Variants in LOX observed in about 807,000 individuals in gnomAD.
LOX encodes the protein lysyl oxidase, also known as protein-lysine 6-oxidase.
A neutral mutation model predicts 50.5 loss-of-function variants in LOX; 12 were observed. The ratio of observed to expected loss-of-function variants is 0.24; its 90% confidence interval spans 0.15 to 0.38. The LOEUF (loss-of-function observed/expected upper bound fraction) is 0.38, where lower values mean the gene tolerates loss of function less well. LOX is among the 10% of genes least tolerant of loss of function. The pLI, the probability that LOX is intolerant of heterozygous loss-of-function variation, is 1.00. For missense variants in LOX, 504 were observed against 563.8 expected (o/e 0.89, Z 1.07); for synonymous variants, 254 against 230.6 (o/e 1.10, Z -0.92).
In LOX at chr5:122,077,567, G is replaced by A; in HGVS notation, c.419C>T (p.Ser140Leu). The A allele has an allele frequency of 6.2e-7, 1 of 1,613,016 alleles. No individual in the cohort carries two copies. Among genetic ancestry groups the A allele is most frequent in the Non-Finnish European group, 8.5e-7 (1 of 1,179,848 alleles). The change falls in exon 1 of 7, where the codon TCG becomes TTG. Residue 140 changes from serine (S) to leucine (L), a missense_variant. By Grantham distance (145) the Ser-to-Leu change is moderately radical. Coordinates refer to ENST00000231004, the MANE Select transcript of LOX (RefSeq NM_002317.7). The surrounding 1 kb of genome is among the most constrained non-coding windows in gnomAD (Gnocchi z 4.9). ...STSRAREAGA[S>L]RAENQTAPGE... ...CGGCGCTGTCTGGTTCTCCGCGCGCGAGGCGCCAGCTTCGCGGGCTCTAGA... is the reference window on the plus strand; with the variant it reads ...CGGCGCTGTCTGGTTCTCCGCGCGCAAGGCGCCAGCTTCGCGGGCTCTAGA...
intron 4 of LOX, among the ~76,000 whole-genome samples, chr5:122,073,050 T>C (rs762778272): frequency 1.3e-5 from 2 of 152,172 alleles, no homozygotes; most frequent in African/African-American, 4.8e-5. Context: ...GCTATGATGT[T>C]CTAAGCTCAG....
Position 122,076,882 on chromosome 5 carries a change from T to C in LOX, c.740+11A>G, listed in dbSNP as rs373807513. 6.2e-6 allele frequency: 10 copies of C among 1,612,992 alleles called. No individual in the cohort carries two copies. The highest frequency in any genetic ancestry group is 4.0e-5 in the African/African-American group (3 of 74,836). On this transcript the variant is annotated intron_variant, in intron 2 of 6. Coordinates refer to ENST00000231004, the MANE Select transcript of LOX (RefSeq NM_002317.7). Reference sequence around the variant, plus strand: ...ACCGGGGAGCGGGGCCTCAGACATATCAGCCCGTACCTGGCCAGACAGTTT... The same window carrying C: ...ACCGGGGAGCGGGGCCTCAGACATACCAGCCCGTACCTGGCCAGACAGTTT...
At chr5:122,070,658 T>G in intron 4 of LOX, 69 bp from the exon 5 acceptor site, 1 of 772,642 alleles carries the variant, frequency 1.3e-6, no homozygotes, top group African/African-American at 1.8e-5. Context: ...AATATGCTAT[T>G]ATTTGCAAAT....
In LOX at chr5:122,077,342, T is replaced by C; in HGVS notation, c.631+13A>G. ...GGTGCACGGGTGCTTCCAGCGGACT[T>C]GGGGGTACTTACCGTACTGGAAGTA... On this transcript the variant is annotated intron_variant, in intron 1 of 6. Coordinates refer to ENST00000231004, the MANE Select transcript of LOX (RefSeq NM_002317.7). The surrounding 1 kb of genome is among the most constrained non-coding windows in gnomAD (Gnocchi z 4.9). 6.2e-7 allele frequency: 1 copy of C among 1,613,542 alleles called. No homozygotes were observed. Among genetic ancestry groups the C allele is most frequent in the Non-Finnish European group, 8.5e-7 (1 of 1,179,940 alleles).
Position 122,077,872 on chromosome 5 carries a change from A to C in LOX, c.114T>G (p.Ala38=), listed in dbSNP as rs1428110372. 5.9e-6 allele frequency: 9 copies of C among 1,537,050 alleles called. No homozygotes were observed. The highest frequency in any genetic ancestry group is 7.8e-6 in the Non-Finnish European group (9 of 1,147,318). Residue 38 remains alanine (A), a synonymous_variant, in exon 1 of 7, where the codon GCT becomes GCG. Transcript: ENST00000231004. The surrounding 1 kb of genome is among the most constrained non-coding windows in gnomAD (Gnocchi z 4.9). ...QQQPPREPPA[A]PGAWRQQIQW... ...GGATCTGCTGGCGCCAGGCGCCCGG[A>C]GCCGCCGGCGGCTCGCGCGGGGGCT...
In LOX at chr5:122,078,070, A is replaced by G; in HGVS notation, c.-85T>C. 2.3e-6 allele frequency: 3 copies of G among 1,296,228 alleles called. No individual in the cohort carries two copies. The highest frequency in any genetic ancestry group is 3.0e-6 in the Non-Finnish European group (3 of 993,514). 80.3% of individuals were successfully genotyped at this position (1,296,228 alleles called of 1,614,324 possible). A position where few individuals can be genotyped will look rare whatever the true frequency, so the allele number is the denominator to read the frequency against. ...GGGGCTCAAATCACGTGAGGGAAGG[A>G]GAAATCTTCAACCAAGGAGGCGAGC... On this transcript the variant is annotated 5_prime_UTR_variant, in exon 1 of 7. Transcript: ENST00000231004.
chr5:122,067,793 C>T (rs1227471036), intron 6 of LOX, among the ~76,000 whole-genome samples: 3 of 152,186 alleles, frequency 2.0e-5, no homozygotes, highest in East Asian at 1.9e-4. Context: ...TTGCCTGTGA[C>T]GTTGACTTGC....
Position 122,070,109 on chromosome 5 carries a change from G to T in LOX, c.1191C>A (p.Arg397=), listed in dbSNP as rs780586581. 3 of 1,613,200 alleles carry T rather than the reference G, an allele frequency of 1.9e-6. No individual in the cohort carries two copies. The African/African-American group carries it at 4.0e-5, about 22-fold the overall frequency. The change falls in exon 6 of 7, where the codon CGC becomes CGA. Residue 397 remains arginine, a synonymous_variant. Transcript: ENST00000231004. The part of the protein sequence containing the change: ...PESDYTNNVV[R]CDIRYTGHHA... ...GATGTCCTGTGTAGCGAATGTCACA[G>T]CGCACAACATTGTTGGTATAGTCAG...
chr5:122,069,726 C>A (rs570684844), intron 6 of LOX, among the ~76,000 whole-genome samples: 6 of 152,216 alleles, frequency 3.9e-5, no homozygotes, highest in Admixed American at 6.5e-5. Flanking sequence ...GAAGCAACTA[C>A]TGGGGCTTCT....
intron 2 of LOX, among the ~76,000 whole-genome samples, chr5:122,076,544 C>A (rs1754640592): frequency 6.6e-6 from 1 of 152,118 alleles, no homozygotes; most frequent in Non-Finnish European, 1.5e-5. Flanking sequence ...CCTTCCATTA[C>A]AATAAATTTT....
intron 6 of LOX, among the ~76,000 whole-genome samples, chr5:122,069,235 G>T (rs1350107883): frequency 6.6e-6 from 1 of 152,096 alleles, no homozygotes. Flanking sequence ...TGGCACTGGT[G>T]GTTCTCCAGT....
chr5:122,075,574 T>TC, intron 2 of LOX, 33 bp from the exon 3 acceptor site: 1 of 1,434,108 alleles, frequency 7.0e-7, no homozygotes, highest in Non-Finnish European at 9.5e-7. Flanking sequence ...ATTATTATAT[T>TC]CATGGAATAT....
At position 122,065,956 on chromosome 5, in the gene LOX, T is replaced by C. The variant is rs559440235; in HGVS notation, c.*787A>G. The stretch of plus-strand genomic sequence containing the variant: ...TGTATACCAGTCCCAAGAATGGTGA[T>C]ATTAAGAATCCCACTTACAACATCT... On this transcript the variant is annotated 3_prime_UTR_variant, in exon 7 of 7. Coordinates refer to ENST00000231004, the MANE Select transcript of LOX (RefSeq NM_002317.7). 1 of 152,204 alleles carries C rather than the reference T, an allele frequency of 6.6e-6. No homozygotes were observed. Among genetic ancestry groups the C allele is most frequent in the South Asian group, 2.1e-4 (1 of 4,824 alleles). 9.4% of individuals were successfully genotyped at this position (152,204 alleles called of 1,614,324 possible). A position where few individuals can be genotyped will look rare whatever the true frequency, so the allele number is the denominator to read the frequency against.
At chr5:122,066,852 A>T (rs959178720) in intron 6 of LOX, 103 bp from the exon 7 acceptor site, 1 of 729,626 alleles carries the variant, frequency 1.4e-6, no homozygotes, top group African/African-American at 1.8e-5. Flanking sequence ...TTTATGCAAC[A>T]GTTTCCCTCC....
chr5:122,070,641 G>A, intron 4 of LOX, 52 bp from the exon 5 acceptor site: 2 of 916,194 alleles, frequency 2.2e-6, no homozygotes, highest in Non-Finnish European at 3.5e-6. Flanking sequence ...GTCAGACTAT[G>A]ATAAATAATA....
rs200355237 is a variant in LOX, at chr5:122,066,796, A to C, written c.1248-47T>G. 446 of 1,177,886 alleles carry C rather than the reference A, an allele frequency of 3.8e-4. 1 individual carries two copies. Among genetic ancestry groups the C allele is most frequent in the Admixed American group, 7.7e-4 (44 of 57,488 alleles). 73.0% of individuals were successfully genotyped at this position (1,177,886 alleles called of 1,614,324 possible). ...AGACAAATTATTAACCTGATAATATAATGAATGAGTACAACAGACAAATTT... is the reference window on the plus strand; with the variant it reads ...AGACAAATTATTAACCTGATAATATCATGAATGAGTACAACAGACAAATTT... On this transcript the variant is annotated intron_variant, in intron 6 of 6. Transcript: ENST00000231004.
chr5:122,069,415 C>A (rs546184521), intron 6 of LOX, among the ~76,000 whole-genome samples: 1 of 152,164 alleles, frequency 6.6e-6, no homozygotes, highest in African/African-American at 2.4e-5. Flanking sequence ...GCAGTCAAAC[C>A]TACCCAACCT....
At chr5:122,075,775 A>T (rs548905091) in intron 2 of LOX, among the ~76,000 whole-genome samples, 3 of 152,296 alleles carry the variant, frequency 2.0e-5, no homozygotes, top group Non-Finnish European at 4.4e-5. Flanking sequence ...GTGAATGAAT[A>T]ACACCTATGG....
In LOX at chr5:122,065,132, G is replaced by T. The variant is rs1754265850; in HGVS notation, c.*1611C>A. 1 of 152,058 alleles carries T rather than the reference G, an allele frequency of 6.6e-6. No individual in the cohort carries two copies. Among genetic ancestry groups the T allele is most frequent in the South Asian group, 2.1e-4 (1 of 4,828 alleles). The allele number at this position is 152,058 out of a possible 1,614,324, so 9.4% of individuals were successfully genotyped here. ...CTCTGTCTGTATTGTCTACTGGTAA[G>T]CTTGTGCCCTGGTGGCTAAGGATCA... is the stretch of plus-strand genomic sequence containing the variant. On this transcript the variant is annotated 3_prime_UTR_variant, in exon 7 of 7. Transcript: ENST00000231004.
Sources: gnomAD v4.1 joint callset for allele counts (sites outside exome capture counted in the v4.1 genomes callset) on GRCh38, gnomAD v4.1.1 for gene constraint, Gnocchi (gnomAD v3.1) non-coding constraint, MANE v1.5 for transcripts, NCBI Gene and HGNC (gene_info 2026-07-23, HGNC 2026-07-21) for gene names.